Variants in GARRE1 observed in about 807,000 individuals in gnomAD.
GARRE1 encodes the protein granule associated Rac and RHOG effector 1.
A neutral mutation model predicts 103.2 loss-of-function variants in GARRE1; 49 were observed. The ratio of observed to expected loss-of-function variants is 0.47; its 90% CI spans 0.38 to 0.60. The LOEUF is 0.60. Ranked by LOEUF, GARRE1 falls within the 20% of genes least tolerant of loss-of-function variation. The pLI is 0.00. For missense variants in GARRE1, 1,199 were observed against 1,370.5 expected, an observed-to-expected ratio of 0.87 and a Z score of 1.98; for synonymous variants, 505 against 532.8, an observed-to-expected ratio of 0.95 and a Z score of 0.72.
At chr19:34,305,683 G>A (rs2074004464) in intron 2 of GARRE1, among the ~76,000 whole-genome samples, 1 of 152,192 alleles carries the variant, frequency 6.6e-6, no homozygotes, top group Non-Finnish European at 1.5e-5. Context: ...GTAGGGGCTT[G>A]GTAAGCCGCT....
chr19:34,345,520 G>A (rs1413122096), intron 10 of GARRE1, among the ~76,000 whole-genome samples: 2 of 152,190 alleles, frequency 1.3e-5, no homozygotes, highest in African/African-American at 4.8e-5. Context: ...GTATTTGTCA[G>A]AATTGTGTCA....
rs74177138 is a variant in GARRE1, at chr19:34,333,677, G to GTTTTTTTTT, written c.1264-18_1264-10dup. 1,007 of 674,270 alleles carry GTTTTTTTTT rather than the reference G, an allele frequency of 1.5e-3. 1 individual carries two copies. Among genetic ancestry groups the GTTTTTTTTT allele is most frequent in the South Asian group, 3.1e-3 (166 of 53,334 alleles). The allele number at this position is 674,270 out of a possible 1,614,324, so 41.8% of individuals were successfully genotyped here. ...TCTCTCTGAAAGCTGGTTGTTATTT[G>GTTTTTTTTT]TTTTTTTTTTTTTTTTTCGATCTTA... On this transcript the variant is annotated intron_variant, in intron 7 of 13. Transcript: ENST00000299505.
intron 2 of GARRE1, among the ~76,000 whole-genome samples, chr19:34,304,644 T>C (rs1202358863): frequency 2.0e-5 from 3 of 152,052 alleles, no homozygotes; most frequent in African/African-American, 7.2e-5. Flanking sequence ...TTCCAAAGTG[T>C]TGGAATTACA....
chr19:34,272,607 C>T (rs549202424), intron 1 of GARRE1, among the ~76,000 whole-genome samples: 82 of 152,254 alleles, frequency 5.4e-4, no homozygotes, highest in African/African-American at 2.0e-3. Context: ...AGCAGTGATA[C>T]GGAGTATGAT....
intron 8 of GARRE1, 126 bp from the exon 9 acceptor site, chr19:34,339,741 T>TA (rs1272835791): frequency 9.2e-7 from 1 of 1,088,552 alleles, no homozygotes; most frequent in East Asian, 2.4e-5. Context: ...TCCATGTTCT[T>TA]ACAGTTACTG....
chr19:34,315,710 C>A (rs1273069045), intron 2 of GARRE1, among the ~76,000 whole-genome samples: 221 of 62,482 alleles, frequency 3.5e-3, no homozygotes, highest in East Asian at 0.018. Context: ...GACTCTGTCT[C>A]AAAAAAAAAA....
chr19:34,269,804 T>A (rs940264417), intron 1 of GARRE1, among the ~76,000 whole-genome samples: 1 of 152,208 alleles, frequency 6.6e-6, no homozygotes, highest in Non-Finnish European at 1.5e-5. Flanking sequence ...TTCATTGATA[T>A]TTTTTACTCT....
chr19:34,307,295 G>T (rs2074011403), intron 2 of GARRE1, among the ~76,000 whole-genome samples: 1 of 152,068 alleles, frequency 6.6e-6, no homozygotes, highest in Non-Finnish European at 1.5e-5. Context: ...TTCTCCCCTT[G>T]CCTTCTTCAT....
In GARRE1 at chr19:34,340,448, C is replaced by CTTTTCTTTTG. The variant is rs1440418450; in HGVS notation, c.1487+465_1487+466insGTTTTCTTTT. Among the ~76,000 whole-genome samples, 7 of 146,828 alleles carry CTTTTCTTTTG rather than the reference C, an allele frequency of 4.8e-5. No homozygotes were observed. In the East Asian group the frequency reaches 1.2e-3, roughly 25 times the overall value. The stretch of plus-strand genomic sequence containing the variant: ...CATGGCCCCTCTCCCTTTTTCTTTT[C>CTTTTCTTTTG]TTTTCTTTTCTTTTCTTTTCTTTTC... On this transcript the variant is annotated intron_variant, in intron 9 of 13. Coordinates refer to ENST00000299505, the MANE Select transcript of GARRE1 (RefSeq NM_014686.5).
chr19:34,353,186 C>G lies in GARRE1; in HGVS notation c.*231C>G, dbSNP rs2145291515. 1 of 512,628 alleles carries G rather than the reference C, an allele frequency of 2.0e-6. No individual in the cohort carries two copies. The highest frequency in any genetic ancestry group is 3.4e-6 in the Non-Finnish European group (1 of 290,936). The allele number at this position is 512,628 out of a possible 1,614,324, so 31.8% of individuals were successfully genotyped here. ...GAGAGCCAGCTGGAGACACAGGCGT[C>G]TGGCCTTCAGGGGCTTGCTAGGGAA... is the stretch of plus-strand genomic sequence containing the variant. On this transcript the variant is annotated 3_prime_UTR_variant, in exon 14 of 14. Transcript: ENST00000299505.
chr19:34,323,677 T>G (rs573989536), intron 3 of GARRE1, among the ~76,000 whole-genome samples: 26 of 152,190 alleles, frequency 1.7e-4, no homozygotes, highest in Non-Finnish European at 3.5e-4. Context: ...ACCCTCGGTG[T>G]CCTCCTGGCT....
rs1215396013 is a variant in GARRE1 at position 34,288,862 on chromosome 19, TG to T, written c.-795-10815del. On this transcript the variant is annotated intron_variant, in intron 1 of 13. Transcript: ENST00000299505. The stretch of plus-strand genomic sequence containing the variant: ...AAGAAGTAATCTGGGCTGGGCGCCT[TG>T]GCTCATGCCTGTAATCCCAGCACTT... Among the ~76,000 whole-genome samples the T allele has an allele frequency of 3.9e-5, 6 of 152,368 alleles. No individual in the cohort carries two copies. The East Asian group carries it at 1.2e-3, about 29-fold the overall frequency.
intron 1 of GARRE1, among the ~76,000 whole-genome samples, chr19:34,268,873 G>C (rs1250924048): frequency 6.6e-6 from 1 of 152,090 alleles, no homozygotes; most frequent in Non-Finnish European, 1.5e-5. Context: ...TATTAACGTA[G>C]TGACTGTTTA....
At chr19:34,256,989 G>A (rs2073677318) in intron 1 of GARRE1, among the ~76,000 whole-genome samples, 1 of 151,992 alleles carries the variant, frequency 6.6e-6, no homozygotes, top group Admixed American at 6.6e-5. Context: ...GTTTGTTGTG[G>A]CAACTTTTCA....
intron 9 of GARRE1, 56 bp downstream of exon 9, chr19:34,340,048 AG>A (rs753011361): frequency 1.3e-6 from 2 of 1,587,418 alleles, no homozygotes; most frequent in Admixed American, 1.7e-5. Context: ...GACTATGCAC[AG>A]TTTCATGTGT....
At chr19:34,273,963 C>G (rs1025955541) in intron 1 of GARRE1, among the ~76,000 whole-genome samples, 2 of 152,074 alleles carry the variant, frequency 1.3e-5, no homozygotes, top group African/African-American at 4.8e-5. Flanking sequence ...CACATTGATT[C>G]TAGAGTAGTC....
At chr19:34,256,519 CAA>C (rs573908708) in intron 1 of GARRE1, among the ~76,000 whole-genome samples, 34 of 106,680 alleles carry the variant, frequency 3.2e-4, no homozygotes, top group Admixed American at 5.3e-4. Context: ...GACTCCATCT[CAA>C]AAAAAAAAAA....
At position 34,267,084 on chromosome 19, in the gene GARRE1, C is replaced by T. The variant is rs183260152; in HGVS notation, c.-796+12470C>T. 1.8e-4 allele frequency among the ~76,000 whole-genome samples: 27 copies of T among 152,170 alleles called. No homozygotes were observed. The East Asian group carries it at 4.7e-3, about 26-fold the overall frequency. ...TTCGAGACCAACCTGAACATCACAG[C>T]GAAACCCCATCTTCTGCAGAAAAAT... On this transcript the variant is annotated intron_variant, in intron 1 of 13. Coordinates refer to ENST00000299505, the MANE Select transcript of GARRE1 (RefSeq NM_014686.5).
chr19:34,308,187 C>T (rs1479423441), intron 2 of GARRE1, among the ~76,000 whole-genome samples: 2 of 139,116 alleles, frequency 1.4e-5, no homozygotes, highest in Non-Finnish European at 3.1e-5. Flanking sequence ...AAGCTGGTTT[C>T]AAAAATACGA....
Sources: allele counts gnomAD v4.1 joint callset (sites outside exome capture counted in the v4.1 genomes callset), GRCh38; gene constraint gnomAD v4.1.1; transcripts MANE v1.5; gene names NCBI Gene and HGNC (gene_info 2026-07-23, HGNC 2026-07-21).